Variants in SYT17 observed in about 807,000 individuals in gnomAD.
SYT17 encodes the protein synaptotagmin-17.
Under a neutral mutation model 46.7 loss-of-function variants are expected in SYT17, and 22 were observed. The observed-to-expected ratio is 0.47, with a 90% confidence interval of 0.34 to 0.67. The LOEUF (loss-of-function observed/expected upper bound fraction) is 0.67, where lower values mean the gene tolerates loss of function less well. Ranked by LOEUF, SYT17 falls within the 30% of genes least tolerant of loss-of-function variation. The pLI is 0.01. For synonymous variants in SYT17, 251 were observed against 248.4 expected, an observed-to-expected ratio of 1.01 and a Z score of -0.10; for missense variants, 519 against 612.8, an observed-to-expected ratio of 0.85 and a Z score of 1.62.
At chr16:19,250,720 A>T (rs1011811602) in intron 7 of SYT17, among the ~76,000 whole-genome samples, 2 of 114,306 alleles carry the variant, frequency 1.7e-5, no homozygotes, top group African/African-American at 6.1e-5. Context: ...TGGCCCCATT[A>T]GTTCTTTTTT....
chr16:19,260,336 CAAAAAAAAAAAA>C (rs34504914), intron 7 of SYT17, among the ~76,000 whole-genome samples: 1 of 22,884 alleles, frequency 4.4e-5, no homozygotes, highest in African/African-American at 1.9e-4. Context: ...CAGAAAATAC[CAAAAAAAAAAAA>C]AAAAAAAAAA....
intron 7 of SYT17, among the ~76,000 whole-genome samples, chr16:19,230,266 G>A (rs1228288078): frequency 6.6e-6 from 1 of 152,014 alleles, no homozygotes; most frequent in Admixed American, 6.5e-5. Context: ...AATTAGCCAG[G>A]CGTGGTAGTG....
chr16:19,212,431 G>A (rs567863974), intron 5 of SYT17, among the ~76,000 whole-genome samples: 1 of 152,196 alleles, frequency 6.6e-6, no homozygotes, highest in East Asian at 1.9e-4. Context: ...GACCAGCCTG[G>A]CCAGCATGGT....
At chr16:19,172,852 T>G in intron 2 of SYT17, 75 bp downstream of exon 2, 1 of 1,527,546 alleles carries the variant, frequency 6.5e-7, no homozygotes, top group Admixed American at 1.7e-5. Context: ...GAGTCTTATG[T>G]GGGGCTGTGG....
At chr16:19,240,671 C>T (rs565098291) in intron 7 of SYT17, among the ~76,000 whole-genome samples, 32 of 152,306 alleles carry the variant, frequency 2.1e-4, no homozygotes, top group South Asian at 4.1e-4. Flanking sequence ...GGTTTGAAGG[C>T]GGGGCTTCAC....
intron 7 of SYT17, among the ~76,000 whole-genome samples, chr16:19,259,943 A>G (rs759059510): frequency 2.6e-5 from 4 of 152,156 alleles, no homozygotes; most frequent in Non-Finnish European, 5.9e-5. Flanking sequence ...ACATCAATCC[A>G]TACATGTAAG....
chr16:19,176,299 G>C (rs139998578), intron 3 of SYT17, among the ~76,000 whole-genome samples: 5 of 152,118 alleles, frequency 3.3e-5, no homozygotes, highest in South Asian at 2.1e-4. Context: ...AGCCTGGCTC[G>C]GGTTATGTAC....
chr16:19,234,659 G>T (rs1315908391), intron 7 of SYT17, among the ~76,000 whole-genome samples: 1 of 152,134 alleles, frequency 6.6e-6, no homozygotes, highest in Non-Finnish European at 1.5e-5. Context: ...TAAATCAGCT[G>T]TGTGACCTCA....
Position 19,267,871 on chromosome 16 carries a change from C to G in SYT17, c.*795C>G, listed in dbSNP as rs978787635. The G allele has an allele frequency of 5.2e-5, 8 of 152,458 alleles. No individual in the cohort carries two copies. Among genetic ancestry groups the G allele is most frequent in the Non-Finnish European group, 1.0e-4 (7 of 68,262 alleles). The allele number at this position is 152,458 out of a possible 1,614,324, so 9.4% of individuals were successfully genotyped here. A position where few individuals can be genotyped will look rare whatever the true frequency, so the allele number is the denominator to read the frequency against. Reference sequence around the variant, plus strand: ...CCTGAGCACTGCCTTCTCTCTGCCTCTCCTGTCCAGTGAGAGTCCAACCAG... The same window carrying G: ...CCTGAGCACTGCCTTCTCTCTGCCTGTCCTGTCCAGTGAGAGTCCAACCAG... On this transcript the variant is annotated 3_prime_UTR_variant, in exon 8 of 8. Transcript: ENST00000355377.
At chr16:19,251,707 G>C (rs1968084086) in intron 7 of SYT17, among the ~76,000 whole-genome samples, 1 of 152,162 alleles carries the variant, frequency 6.6e-6, no homozygotes, top group African/African-American at 2.4e-5. Context: ...TCGTGGTCCA[G>C]ATGTTTCGCC....
chr16:19,246,213 A>C (rs1419188149), intron 7 of SYT17, among the ~76,000 whole-genome samples: 3 of 152,010 alleles, frequency 2.0e-5, no homozygotes, highest in African/African-American at 7.2e-5. Context: ...GCTGGTCTCG[A>C]ACTCTTGGCC....
chr16:19,207,157 G>C (rs1421864212), intron 5 of SYT17, among the ~76,000 whole-genome samples: 1 of 152,130 alleles, frequency 6.6e-6, no homozygotes, highest in African/African-American at 2.4e-5. Flanking sequence ...TTCCCCTTCT[G>C]ACAAAAGTAG....
At chr16:19,219,469 A>AT in intron 5 of SYT17, among the ~76,000 whole-genome samples, 1 of 151,290 alleles carries the variant, frequency 6.6e-6, no homozygotes, top group Non-Finnish European at 1.5e-5. Flanking sequence ...TAATAATAAA[A>AT]CAAACACCCA....
intron 3 of SYT17, among the ~76,000 whole-genome samples, chr16:19,179,922 T>C (rs755628387): frequency 3.9e-5 from 6 of 152,204 alleles, no homozygotes; most frequent in Admixed American, 1.3e-4. Context: ...TTGAGTGACA[T>C]TGTTATAGGA....
chr16:19,259,443 G>A (rs1031657080), intron 7 of SYT17, among the ~76,000 whole-genome samples: 1 of 152,148 alleles, frequency 6.6e-6, no homozygotes, highest in Admixed American at 6.5e-5. Context: ...CCAGCCCTGT[G>A]AAGGAGGAAA....
chr16:19,180,260 A>G lies in SYT17; in HGVS notation c.183-131A>G. On this transcript the variant is annotated intron_variant, in intron 3 of 7. Transcript: ENST00000355377. The stretch of plus-strand genomic sequence containing the variant: ...GAGTTTAAGGACACCACACTGTCAA[A>G]TTTGCATTATTCCATGTTGCATAAA... 2.1e-6 allele frequency: 2 copies of G among 941,248 alleles called. 1 individual carries two copies. Among genetic ancestry groups the G allele is most frequent in the South Asian group, 3.2e-5 (2 of 62,944 alleles). The allele number at this position is 941,248 out of a possible 1,614,324, so 58.3% of individuals were successfully genotyped here. A position where few individuals can be genotyped will look rare whatever the true frequency, so the allele number is the denominator to read the frequency against.
chr16:19,222,530 C>CAGAT (rs58618720), intron 5 of SYT17, among the ~76,000 whole-genome samples: 51,497 of 151,710 alleles, frequency 0.34, 10,536 homozygotes, highest in African/African-American at 0.58. Flanking sequence ...ATTTCTCACT[C>CAGAT]AGTTCCTCTG....
In SYT17 at chr16:19,230,235, C is replaced by G. The variant is rs1966631057; in HGVS notation, c.1228+5397C>G. Among the ~76,000 whole-genome samples the G allele has an allele frequency of 1.3e-5, 2 of 151,938 alleles. 1 individual carries two copies. The highest frequency in any genetic ancestry group is 4.8e-5 in the African/African-American group (2 of 41,352). ...CCAGCCTGGCCAATATGGTGAAACC[C>G]CATCTCTATAAAAATACAAAAATTA... On this transcript the variant is annotated intron_variant, in intron 7 of 7. Transcript: ENST00000355377.
At chr16:19,264,014 G>A (rs1227159093) in intron 7 of SYT17, among the ~76,000 whole-genome samples, 1 of 152,182 alleles carries the variant, frequency 6.6e-6, no homozygotes, top group Non-Finnish European at 1.5e-5. Context: ...GAAGGTTGGA[G>A]CCCTCATAAT....
Sources: gnomAD v4.1 joint callset for allele counts (sites outside exome capture counted in the v4.1 genomes callset) on GRCh38, gnomAD v4.1.1 for gene constraint, MANE v1.5 for transcripts, NCBI Gene and HGNC (gene_info 2026-07-23, HGNC 2026-07-21) for gene names.